Variants in C1QTNF6 observed in about 807,000 individuals in gnomAD.
The protein encoded by C1QTNF6 is complement C1q tumor necrosis factor-related protein 6.
In C1QTNF6, 17 loss-of-function variants were observed where a neutral mutation model predicts 20.7. That is an observed-to-expected ratio of 0.82 (90% CI 0.56 to 1.23). The LOEUF (loss-of-function observed/expected upper bound fraction) is 1.23. C1QTNF6 is among the 50% of genes most tolerant of loss of function. The pLI is 0.00. For missense variants in C1QTNF6, 329 were observed against 389.7 expected (o/e 0.84, Z 1.31); for synonymous variants, 130 against 156.3 (o/e 0.83, Z 1.25).
At chr22:37,189,125 T>C (rs905858036), upstream of C1QTNF6, among the ~76,000 whole-genome samples, 1 of 152,180 alleles carries the variant, frequency 6.6e-6, no homozygotes. Context: ...TTTTAGACAA[T>C]ATAGGGTAAT....
intron 2 of C1QTNF6, among the ~76,000 whole-genome samples, chr22:37,194,093 G>A (rs1262701157): frequency 6.6e-6 from 1 of 151,946 alleles, no homozygotes; most frequent in Non-Finnish European, 1.5e-5. Flanking sequence ...GAGACTAAGA[G>A]AAAGTACTCC....
chr22:37,184,479 T>A lies in C1QTNF6; in HGVS notation c.289+739A>T. The A allele has an allele frequency of 1.4e-6, 1 of 714,978 alleles. No homozygotes were observed. Among genetic ancestry groups the A allele is most frequent in the South Asian group, 1.5e-5 (1 of 67,364 alleles). The allele number at this position is 714,978 out of a possible 1,614,324, so 44.3% of individuals were successfully genotyped here. On this transcript the variant is annotated intron_variant, in intron 2 of 2. Coordinates refer to ENST00000337843, the MANE Select transcript of C1QTNF6 (RefSeq NM_031910.4). This position sits in a 1 kb window ranked among gnomAD's most constrained non-coding sequence, Gnocchi z 4.0. ...TAGCCAGCCCGCACCTGGACGGCCC[T>A]CACCTGGATGCCTTTCACCTGGACG... is the stretch of plus-strand genomic sequence containing the variant.
intron 2 of C1QTNF6, 199 bp from the exon 3 acceptor site, chr22:37,182,934 G>A: frequency 1.4e-6 from 2 of 1,428,722 alleles, no homozygotes; most frequent in Non-Finnish European, 1.8e-6. Flanking sequence ...TCACTTCACA[G>A]AGAGGGTGAG....
intron 1 of C1QTNF6, among the ~76,000 whole-genome samples, chr22:37,186,600 G>A (rs1924367066): frequency 1.3e-5 from 2 of 152,210 alleles, no homozygotes; most frequent in Admixed American, 1.3e-4. Flanking sequence ...CCAGGAGAGA[G>A]GCAGGAAGTA....
chr22:37,182,114 C>T lies in C1QTNF6; in HGVS notation c.*74G>A. The T allele has an allele frequency of 2.0e-6, 3 of 1,483,788 alleles. No homozygotes were observed. The highest frequency in any genetic ancestry group is 2.7e-6 in the Non-Finnish European group (3 of 1,106,516). The allele number at this position is 1,483,788 out of a possible 1,614,324, so 91.9% of individuals were successfully genotyped here. A position where few individuals can be genotyped will look rare whatever the true frequency, so the allele number is the denominator to read the frequency against. On this transcript the variant is annotated 3_prime_UTR_variant, in exon 3 of 3. Transcript: ENST00000337843. ...CCTCCCTGGCCTTCCTGCTTCACAGCAGTGCAAACTGAGCCCTGCAGGGGA... is the reference window on the plus strand; with the variant it reads ...CCTCCCTGGCCTTCCTGCTTCACAGTAGTGCAAACTGAGCCCTGCAGGGGA...
At chr22:37,187,033 T>C (rs1281592886) in intron 1 of C1QTNF6, among the ~76,000 whole-genome samples, 2 of 152,064 alleles carry the variant, frequency 1.3e-5, no homozygotes, top group Non-Finnish European at 1.5e-5. Context: ...CTGGGCAACA[T>C]AGTGAGACCC....
upstream of C1QTNF6, among the ~76,000 whole-genome samples, chr22:37,191,460 A>G (rs928227844): frequency 6.6e-6 from 1 of 152,306 alleles, no homozygotes; most frequent in East Asian, 1.9e-4. Flanking sequence ...TAAGCCAAAT[A>G]TGTCATTTTT....
At chr22:37,186,504 A>T (rs1443692697) in intron 1 of C1QTNF6, among the ~76,000 whole-genome samples, 3 of 152,188 alleles carry the variant, frequency 2.0e-5, no homozygotes, top group African/African-American at 4.8e-5. Context: ...TAGGACTAGG[A>T]GGTATAAAAA....
chr22:37,182,659 A>AG lies in C1QTNF6; in HGVS notation c.365dup (p.Gln123SerfsTer6). On this transcript the variant is annotated frameshift_variant, in exon 3 of 3. Transcript: ENST00000337843. LOFTEE classifies it high-confidence loss of function. The stretch of plus-strand genomic sequence containing the variant: ...CCCCCTTGTCACCCTTGCTGCCCTG[A>AG]GGGCCAGGCTCCCCTTGGGGACCCT... The AG allele has an allele frequency of 1.9e-6, 3 of 1,613,042 alleles. No homozygotes were observed. Among genetic ancestry groups the AG allele is most frequent in the Non-Finnish European group, 8.5e-7 (1 of 1,179,972 alleles).
chr22:37,196,326 G>C (rs1032730737), intron 1 of C1QTNF6: 1 of 152,250 alleles, frequency 6.6e-6, no homozygotes, highest in Non-Finnish European at 1.5e-5. Context: ...TTGTTAGGCA[G>C]GGGGAAGTTT....
chr22:37,195,793 T>C (rs905924906), intron 1 of C1QTNF6: 3 of 152,176 alleles, frequency 2.0e-5, no homozygotes, highest in African/African-American at 7.2e-5. Context: ...CATTTGTAAA[T>C]TGTCATGGTG....
At chr22:37,188,339 G>T, upstream of C1QTNF6, 1 of 818,478 alleles carries the variant, frequency 1.2e-6, no homozygotes, top group Non-Finnish European at 1.8e-6. Flanking sequence ...CGGAGGGAGA[G>T]GGCAGAGCCG....
upstream of C1QTNF6, among the ~76,000 whole-genome samples, chr22:37,191,360 C>A (rs965241484): frequency 6.6e-6 from 1 of 151,962 alleles, no homozygotes; most frequent in Non-Finnish European, 1.5e-5. Flanking sequence ...GAACACATAC[C>A]AATAACATAT....
intron 2 of C1QTNF6, chr22:37,182,939 G>A: frequency 7.0e-7 from 1 of 1,426,954 alleles, no homozygotes; most frequent in Non-Finnish European, 9.1e-7. Context: ...TCACAGAGAG[G>A]GTGAGTGACT....
At chr22:37,190,564 G>A (rs1253601416), upstream of C1QTNF6, 1 of 152,142 alleles carries the variant, frequency 6.6e-6, no homozygotes, top group Non-Finnish European at 1.5e-5. Context: ...TTTTCCAAGA[G>A]GCTTTTATTG....
At chr22:37,198,794 G>A (rs1218289315), upstream of C1QTNF6, among the ~76,000 whole-genome samples, 2 of 134,428 alleles carry the variant, frequency 1.5e-5, no homozygotes, top group African/African-American at 2.8e-5. Context: ...CGCAGTCCCC[G>A]CAGCAACCCC....
chr22:37,193,010 T>C (rs1294150125), upstream of C1QTNF6, among the ~76,000 whole-genome samples: 1 of 152,096 alleles, frequency 6.6e-6, no homozygotes, highest in Non-Finnish European at 1.5e-5. Context: ...AGAGAGGGAA[T>C]CAGCCCATCC....
At position 37,181,827 on chromosome 22, in the gene C1QTNF6, A is replaced by C; in HGVS notation, c.*361T>G. The C allele has an allele frequency of 3.6e-6, 1 of 274,094 alleles. No individual in the cohort carries two copies. Among genetic ancestry groups the C allele is most frequent in the South Asian group, 5.6e-5 (1 of 17,870 alleles). The allele number at this position is 274,094 out of a possible 1,614,324, so 17.0% of individuals were successfully genotyped here. A position where few individuals can be genotyped will look rare whatever the true frequency, so the allele number is the denominator to read the frequency against. On this transcript the variant is annotated 3_prime_UTR_variant, in exon 3 of 3. Transcript: ENST00000337843. ...ACTGACCCCATCAGCATCACCCAGG[A>C]ACATATGAGAAACACAGAATCCTGG...
intron 1 of C1QTNF6, chr22:37,185,865 G>A (rs906209960): frequency 2.4e-5 from 24 of 989,174 alleles, no homozygotes; most frequent in Non-Finnish European, 2.8e-5. Context: ...TTTCCCGCCC[G>A]CGCACCTCCC....
Sources: allele counts gnomAD v4.1 joint callset (sites outside exome capture counted in the v4.1 genomes callset), GRCh38; gene constraint gnomAD v4.1.1; non-coding constraint Gnocchi (gnomAD v3.1); transcripts MANE v1.5; gene names NCBI Gene and HGNC (gene_info 2026-07-23, HGNC 2026-07-21).